Variants in GTF2I observed in about 807,000 individuals in gnomAD.
GTF2I encodes the protein general transcription factor II-I.
A neutral mutation model predicts 67.6 loss-of-function variants in GTF2I; 12 were observed. That is an observed-to-expected ratio of 0.18 (90% confidence interval 0.11 to 0.29). The LOEUF is 0.29. Among genes scored for constraint, GTF2I ranks in the 10% least tolerant of loss-of-function variants. GTF2I has a pLI of 1.00. For missense variants in GTF2I, 271 were observed against 580.1 expected (o/e 0.47, Z 5.47); for synonymous variants, 149 against 197.0 (o/e 0.76, Z 2.04).
intron 3 of GTF2I, among the ~76,000 whole-genome samples, chr7:74,696,453 A>G (rs1382718194): frequency 3.3e-5 from 5 of 150,866 alleles, no homozygotes; most frequent in African/African-American, 1.2e-4. Flanking sequence ...CAGCCTTTCT[A>G]GTAGCTGGGA....
intron 12 of GTF2I, among the ~76,000 whole-genome samples, chr7:74,724,852 T>C (rs970517184): frequency 6.6e-6 from 1 of 152,054 alleles, no homozygotes; most frequent in Non-Finnish European, 1.5e-5. Flanking sequence ...ACCCAGGAAG[T>C]GGAGATTGCA....
chr7:74,699,413 C>T (rs1554399304), intron 4 of GTF2I: 1 of 157,892 alleles, frequency 6.3e-6, no homozygotes, highest in Non-Finnish European at 1.4e-5. Context: ...CTGCCTCAGC[C>T]CCCTGAGTAA....
chr7:74,696,493 A>AT (rs782445780), intron 3 of GTF2I, among the ~76,000 whole-genome samples: 291 of 137,822 alleles, frequency 2.1e-3, no homozygotes, highest in Admixed American at 2.5e-3. Context: ...CACTCGGCTA[A>AT]TTTTTTTTTT....
intron 3 of GTF2I, among the ~76,000 whole-genome samples, chr7:74,696,402 C>T (rs1214526384): frequency 6.6e-6 from 1 of 152,088 alleles, no homozygotes; most frequent in African/African-American, 2.4e-5. Flanking sequence ...TCTTGGCTCA[C>T]TGCAACTTCT....
At position 74,696,493 on chromosome 7, in the gene GTF2I, AT is replaced by A. The variant is rs782445780; in HGVS notation, c.239-2452del. ...AGGCGTGTGTCACTACACTCGGCTA[AT>A]TTTTTTTTTTTTTTTCGAGACGGAG... On this transcript the variant is annotated intron_variant, in intron 3 of 34. Coordinates refer to ENST00000573035, the MANE Select transcript of GTF2I (RefSeq NM_032999.4). 7.4e-3 allele frequency among the ~76,000 whole-genome samples: 1,022 copies of A among 137,828 alleles called. 8 individuals are homozygous for A. Among genetic ancestry groups the A allele is most frequent in the African/African-American group, 0.021 (803 of 37,534 alleles). 90.4% of individuals were successfully genotyped at this position (137,828 alleles called of 152,430 possible).
intron 1 of GTF2I, among the ~76,000 whole-genome samples, chr7:74,660,616 CTTTTCTTTTT>C (rs1484361718): frequency 1.9e-3 from 210 of 111,298 alleles, no homozygotes; most frequent in Non-Finnish European, 3.2e-3. Context: ...TTTTTCTTTT[CTTTTCTTTTT>C]TTTTTTTTTT....
At chr7:74,715,182 A>G (rs1390719021) in intron 10 of GTF2I, among the ~76,000 whole-genome samples, 2 of 152,096 alleles carry the variant, frequency 1.3e-5, no homozygotes, top group African/African-American at 4.8e-5. Flanking sequence ...GTACACATTT[A>G]TACCTTATCT....
chr7:74,719,677 T>G lies in GTF2I; in HGVS notation c.943+736T>G, dbSNP rs587599042. On this transcript the variant is annotated intron_variant, in intron 12 of 34. Transcript: ENST00000573035. ...GCTCACACCTGTAATCCCAGCACTT[T>G]GGGAGGCCAAGGTAGGCAGATCACC... Among the ~76,000 whole-genome samples the G allele has an allele frequency of 1.3e-4, 20 of 152,310 alleles. No individual in the cohort carries two copies. The East Asian group carries it at 2.7e-3, about 21-fold the overall frequency.
intron 3 of GTF2I, among the ~76,000 whole-genome samples, chr7:74,698,438 A>G (rs913732457): frequency 2.2e-4 from 26 of 117,420 alleles, no homozygotes; most frequent in Middle Eastern, 8.5e-3. Context: ...CACAGTCTCT[A>G]TCCATCACCC....
At chr7:74,676,119 T>C (rs781356049) in intron 1 of GTF2I, among the ~76,000 whole-genome samples, 59 of 152,104 alleles carry the variant, frequency 3.9e-4, no homozygotes, top group Non-Finnish European at 7.2e-4. Context: ...TCTGTGATCT[T>C]GGGCAATTTA....
intron 1 of GTF2I, chr7:74,688,901 TGA>T: frequency 2.1e-6 from 1 of 466,834 alleles, no homozygotes; most frequent in Non-Finnish European, 3.8e-6. Flanking sequence ...GGTGTGATAT[TGA>T]CCCAATTTTC....
At chr7:74,707,447 T>C (rs1174273478) in intron 8 of GTF2I, among the ~76,000 whole-genome samples, 1 of 152,172 alleles carries the variant, frequency 6.6e-6, no homozygotes, top group Admixed American at 6.5e-5. Context: ...CTGCCCCGCT[T>C]CACCCCATCT....
chr7:74,660,974 A>G (rs1340075917), intron 1 of GTF2I, among the ~76,000 whole-genome samples: 4 of 152,164 alleles, frequency 2.6e-5, no homozygotes, highest in South Asian at 2.1e-4. Flanking sequence ...TGCCCCCTCC[A>G]TGGCTCTTGA....
At chr7:74,731,786 C>A (rs1286292627) in intron 14 of GTF2I, among the ~76,000 whole-genome samples, 1 of 149,606 alleles carries the variant, frequency 6.7e-6, no homozygotes, top group Non-Finnish European at 1.5e-5. Flanking sequence ...CTCAGGTGAT[C>A]CACCCACCTC....
chr7:74,728,454 G>GT (rs1794145866), intron 12 of GTF2I, among the ~76,000 whole-genome samples: 1 of 138,416 alleles, frequency 7.2e-6, no homozygotes, highest in South Asian at 2.5e-4. Context: ...TTTATTAAAA[G>GT]TTTTTTCTTG....
At chr7:74,697,429 A>G (rs1789037915) in intron 3 of GTF2I, among the ~76,000 whole-genome samples, 1 of 152,104 alleles carries the variant, frequency 6.6e-6, no homozygotes, top group Non-Finnish European at 1.5e-5. Flanking sequence ...TATTTGTCAT[A>G]CTTTTTTTGT....
chr7:74,705,268 T>A (rs782387287), intron 7 of GTF2I, 50 bp downstream of exon 7: 1 of 1,114,464 alleles, frequency 9.0e-7, no homozygotes, highest in Admixed American at 1.8e-5. Flanking sequence ...CTCAAAAAGT[T>A]TTAGTTGTTA....
intron 7 of GTF2I, 115 bp from the exon 8 acceptor site, chr7:74,706,275 G>A: frequency 2.6e-6 from 2 of 780,182 alleles, no homozygotes; most frequent in Non-Finnish European, 2.2e-6. Flanking sequence ...AGTCAGGTTT[G>A]CACCCACCTT....
At chr7:74,670,272 G>T (rs1002269092) in intron 1 of GTF2I, among the ~76,000 whole-genome samples, 4 of 152,150 alleles carry the variant, frequency 2.6e-5, no homozygotes, top group African/African-American at 9.7e-5. Flanking sequence ...GTAAATTTGG[G>T]ATTAAAGAAT....
Sources: allele counts gnomAD v4.1 joint callset (sites outside exome capture counted in the v4.1 genomes callset), GRCh38; gene constraint gnomAD v4.1.1; transcripts MANE v1.5; gene names NCBI Gene and HGNC (gene_info 2026-07-23, HGNC 2026-07-21).